Variants in VPS50 observed in about 807,000 individuals in gnomAD.
The protein encoded by VPS50 is syndetin.
Under a neutral mutation model 139.7 loss-of-function variants are expected in VPS50, and 70 were observed. The ratio of observed to expected loss-of-function variants is 0.50; its 90% CI spans 0.41 to 0.61. VPS50 has a LOEUF of 0.61. VPS50 is among the 20% of genes least tolerant of loss of function. The probability of loss-of-function intolerance (pLI) is 0.00; values close to 1 mark genes in which losing one functional copy is unlikely to be tolerated. For missense variants in VPS50, 921 were observed against 1,133.7 expected (o/e 0.81, Z 2.69); for synonymous variants, 365 against 376.7 (o/e 0.97, Z 0.36).
chr7:93,294,747 CAT>C (rs1205650264), intron 14 of VPS50, 111 bp downstream of exon 14: 7 of 784,230 alleles, frequency 8.9e-6, no homozygotes, highest in East Asian at 2.8e-5. Flanking sequence ...CAGATTTAAT[CAT>C]ATGTTTCTGT....
chr7:93,308,997 A>G (rs1797192915), intron 19 of VPS50, 55 bp downstream of exon 19: 1 of 921,450 alleles, frequency 1.1e-6, no homozygotes, highest in Non-Finnish European at 1.7e-6. Context: ...CTCTTAACAT[A>G]TAGGATTTCC....
intron 21 of VPS50, among the ~76,000 whole-genome samples, chr7:93,325,488 G>T (rs947939798): frequency 1.3e-5 from 2 of 151,602 alleles, no homozygotes; most frequent in Non-Finnish European, 2.9e-5. Flanking sequence ...CACAGCAAAA[G>T]AAACTACCAT....
At position 93,297,188 on chromosome 7, in the gene VPS50, G is replaced by A; in HGVS notation, c.1306G>A (p.Val436Ile). 1 of 1,563,788 alleles carries A rather than the reference G, an allele frequency of 6.4e-7. No homozygotes were observed. The stretch of plus-strand genomic sequence containing the variant: ...AGAATTTTGTGGTAGCAAGTCTGAA[G>A]TTTTACAGGAATCTATTAGAAAACA... ...GEEFCGSKSE[V>I]LQESIRKQSV... The change falls in exon 16 of 28, where the codon GTT becomes ATT. Residue 436 changes from valine (V) to isoleucine (I), a missense_variant. Val to Ile is a conservative substitution (Grantham distance 29). Around this residue, in one of 3 missense-constraint regions of VPS50, gnomAD observed 744 missense variants for 930.6 expected, o/e 0.80. Transcript: ENST00000305866.
intron 2 of VPS50, 66 bp from the exon 3 acceptor site, chr7:93,252,587 T>C: frequency 9.3e-7 from 1 of 1,074,426 alleles, no homozygotes. Flanking sequence ...AAATGATCAT[T>C]TATTTCCATG....
intron 12 of VPS50, among the ~76,000 whole-genome samples, chr7:93,286,472 C>A (rs1397335121): frequency 2.0e-5 from 3 of 152,068 alleles, no homozygotes; most frequent in Admixed American, 2.0e-4. Flanking sequence ...ATCTCTAACA[C>A]GTTTATGAAA....
chr7:93,339,504 A>G (rs1798156269), intron 22 of VPS50, among the ~76,000 whole-genome samples: 1 of 152,150 alleles, frequency 6.6e-6, no homozygotes, highest in Non-Finnish European at 1.5e-5. Flanking sequence ...TTGCTGTAAA[A>G]AGTAATCTAG....
intron 21 of VPS50, among the ~76,000 whole-genome samples, chr7:93,327,853 G>C (rs1797826773): frequency 6.6e-6 from 1 of 152,188 alleles, no homozygotes; most frequent in African/African-American, 2.4e-5. Flanking sequence ...GTAATGTGTA[G>C]AATGGGAAGA....
chr7:93,288,251 A>G (rs939844134), intron 12 of VPS50, among the ~76,000 whole-genome samples: 1 of 152,146 alleles, frequency 6.6e-6, no homozygotes, highest in East Asian at 1.9e-4. Flanking sequence ...TCACTAAGGG[A>G]AAACATTAAG....
intron 23 of VPS50, among the ~76,000 whole-genome samples, chr7:93,348,273 A>T (rs1442537133): frequency 6.6e-6 from 1 of 152,148 alleles, no homozygotes; most frequent in East Asian, 1.9e-4. Flanking sequence ...TCTGCTGCCT[A>T]TTAGGAATGT....
intron 23 of VPS50, among the ~76,000 whole-genome samples, chr7:93,345,818 G>A (rs1356382406): frequency 6.6e-6 from 1 of 152,092 alleles, no homozygotes. Context: ...GGTATTGATG[G>A]GATGTATCGC....
At chr7:93,248,857 C>T (rs1246827742) in intron 2 of VPS50, among the ~76,000 whole-genome samples, 1 of 152,086 alleles carries the variant, frequency 6.6e-6, no homozygotes, top group Non-Finnish European at 1.5e-5. Flanking sequence ...GGATTCTAAT[C>T]AGAAGGGGGT....
intron 16 of VPS50, among the ~76,000 whole-genome samples, chr7:93,299,756 T>C (rs549559610): frequency 1.3e-5 from 2 of 152,272 alleles, no homozygotes; most frequent in South Asian, 4.1e-4. Flanking sequence ...GCGTCTATTA[T>C]TGATTGTTTC....
intron 2 of VPS50, among the ~76,000 whole-genome samples, chr7:93,244,600 T>C (rs1259142077): frequency 8.6e-5 from 13 of 151,946 alleles, no homozygotes; most frequent in Admixed American, 8.5e-4. Context: ...AGGAGAAATA[T>C]GACACAAGAA....
intron 16 of VPS50, among the ~76,000 whole-genome samples, chr7:93,299,695 T>C (rs1026367076): frequency 2.9e-4 from 44 of 152,162 alleles, no homozygotes; most frequent in African/African-American, 1.0e-3. Context: ...AAAGTTTGCA[T>C]TCCACTCTCT....
intron 2 of VPS50, among the ~76,000 whole-genome samples, chr7:93,247,849 T>G: frequency 6.6e-6 from 1 of 152,050 alleles, no homozygotes; most frequent in East Asian, 1.9e-4. Flanking sequence ...AGAGATTTGA[T>G]TTGTTCATTT....
At chr7:93,246,030 CAT>C (rs1795141261) in intron 2 of VPS50, 2 of 855,900 alleles carry the variant, frequency 2.3e-6, no homozygotes, top group Admixed American at 4.7e-5. Context: ...TTGAAAACTT[CAT>C]GTTTTGTTCT....
intron 1 of VPS50, among the ~76,000 whole-genome samples, chr7:93,238,459 T>G (rs781344403): frequency 1.3e-5 from 2 of 152,224 alleles, no homozygotes; most frequent in Admixed American, 1.3e-4. Flanking sequence ...TCTGGAACTT[T>G]GCTAGCCACT....
chr7:93,265,965 A>T (rs1291510518), intron 9 of VPS50, among the ~76,000 whole-genome samples: 1 of 152,204 alleles, frequency 6.6e-6, no homozygotes, highest in African/African-American at 2.4e-5. Context: ...TAGCCTGGTT[A>T]TATATGGTTT....
intron 22 of VPS50, among the ~76,000 whole-genome samples, chr7:93,335,548 C>A (rs1039192383): frequency 6.6e-6 from 1 of 152,094 alleles, no homozygotes; most frequent in African/African-American, 2.4e-5. Context: ...AGAGTCAAGG[C>A]TCCTTATTTG....
Sources: allele counts gnomAD v4.1 joint callset (sites outside exome capture counted in the v4.1 genomes callset), GRCh38; gene constraint gnomAD v4.1.1; regional missense constraint gnomAD v4.1.1; transcripts MANE v1.5; gene names NCBI Gene and HGNC (gene_info 2026-07-23, HGNC 2026-07-21).